ROBO2: variants seen among roughly 807,000 people sequenced by gnomAD.
The protein encoded by ROBO2 is roundabout guidance receptor 2, also known as roundabout homolog 2.
In ROBO2, 53 loss-of-function variants were observed where a neutral mutation model predicts 160.8. That is an observed-to-expected ratio of 0.33 (90% CI 0.26 to 0.41). The LOEUF (loss-of-function observed/expected upper bound fraction) is 0.41. Ranked by LOEUF, ROBO2 falls within the 10% of genes least tolerant of loss-of-function variation. The pLI is 1.00. For synonymous variants in ROBO2, 664 were observed against 611.7 expected (o/e 1.09, Z -1.26); for missense variants, 1,577 against 1,722.4 (o/e 0.92, Z 1.49).
At chr3:77,603,935 TA>T (rs1252613459) in intron 20 of ROBO2, 3 of 152,220 alleles carry the variant, frequency 2.0e-5, no homozygotes, top group African/African-American at 4.8e-5. Context: ...GATTTTGTTT[TA>T]TTTTTTTAAT....
Position 77,644,833 on chromosome 3 carries a change from G to A in ROBO2, c.4064G>A (p.Arg1355His), listed in dbSNP as rs771581041. Residue 1355 changes from arginine (R) to histidine (H), a missense_variant, in exon 25 of 26, where the codon CGC becomes CAC. Around this residue, in one of 2 missense-constraint regions of ROBO2, gnomAD observed 637 missense variants for 586.9 expected, o/e 1.09. Coordinates refer to ENST00000461745, the Ensembl canonical transcript of ROBO2. ...GAGGTGTTGAGAGCAGGCCACCAGC[G>A]CAATGCCAGCGACCTTCTTGACATA... 90 of 1,614,090 alleles carry A rather than the reference G, an allele frequency of 5.6e-5. No individual in the cohort carries two copies. The highest frequency in any genetic ancestry group is 2.2e-4 in the South Asian group (20 of 91,084).
chr3:77,434,238 T>G (rs536300013), intron 2 of ROBO2, among the ~76,000 whole-genome samples: 1 of 152,240 alleles, frequency 6.6e-6, no homozygotes, highest in African/African-American at 2.4e-5. Flanking sequence ...AGATAACCCC[T>G]GAATATCTTT....
chr3:76,910,334 C>G lies in ROBO2; in HGVS notation c.110-187680C>G, dbSNP rs544050440. Among the ~76,000 whole-genome samples the G allele has an allele frequency of 2.2e-4, 33 of 152,108 alleles. No homozygotes were observed. In the South Asian group the frequency reaches 6.8e-3, roughly 32 times the overall value. On this transcript the variant is annotated intron_variant, in intron 2 of 26. Coordinates refer to the ROBO2 transcript ENST00000487694. ...TCTGTTGATTTTGCTAAACACGAGGCTATTCAAATTCTTCTTTTTTTTTAT... is the reference window on the plus strand; with the variant it reads ...TCTGTTGATTTTGCTAAACACGAGGGTATTCAAATTCTTCTTTTTTTTTAT...
chr3:76,966,692 C>T (rs190979524), intron 2 of ROBO2, among the ~76,000 whole-genome samples: 26 of 152,290 alleles, frequency 1.7e-4, no homozygotes, highest in Non-Finnish European at 3.2e-4. Flanking sequence ...CTAGTTCTTC[C>T]ACCTCCCTGC....
intron 2 of ROBO2, among the ~76,000 whole-genome samples, chr3:76,786,361 T>C (rs1430394941): frequency 2.0e-5 from 3 of 151,306 alleles, no homozygotes; most frequent in Non-Finnish European, 1.5e-5. Context: ...TTTAATTGGC[T>C]CATGGTTCTG....
At chr3:77,121,661 A>G (rs1355769128) in intron 2 of ROBO2, among the ~76,000 whole-genome samples, 2 of 152,072 alleles carry the variant, frequency 1.3e-5, no homozygotes, top group African/African-American at 4.8e-5. Flanking sequence ...TTAAGCCACC[A>G]TGCTCTGTTG....
At chr3:76,660,273 G>T (rs1380836612) in intron 2 of ROBO2, among the ~76,000 whole-genome samples, 1 of 152,202 alleles carries the variant, frequency 6.6e-6, no homozygotes, top group Admixed American at 6.5e-5. Flanking sequence ...GATTAGAAAT[G>T]TTAAATGTGA....
chr3:76,743,796 T>C (rs1237225909), intron 2 of ROBO2, among the ~76,000 whole-genome samples: 1 of 151,838 alleles, frequency 6.6e-6, no homozygotes, highest in African/African-American at 2.4e-5. Flanking sequence ...ATAAATTATT[T>C]AATATAATTA....
In ROBO2 at chr3:77,102,002, T is replaced by A. The variant is rs1466233438; in HGVS notation, c.388+3662T>A. 2.6e-5 allele frequency among the ~76,000 whole-genome samples: 4 copies of A among 152,178 alleles called. No individual in the cohort carries two copies. The East Asian group carries it at 5.8e-4, about 22-fold the overall frequency. On this transcript the variant is annotated intron_variant, in intron 2 of 25. Coordinates refer to ENST00000461745, the Ensembl canonical transcript of ROBO2. ...TGGCAGTGAGCTGGGATGGTGCCAA[T>A]GCACTCCAGACTGGGCGACAGAGTG...
chr3:76,620,188 G>T (rs562942559), intron 2 of ROBO2, among the ~76,000 whole-genome samples: 5 of 152,146 alleles, frequency 3.3e-5, no homozygotes, highest in African/African-American at 1.2e-4. Context: ...AAATGTCAAG[G>T]TTATTTGTAT....
intron 2 of ROBO2, among the ~76,000 whole-genome samples, chr3:76,963,367 G>T (rs550155656): frequency 6.6e-6 from 1 of 152,038 alleles, no homozygotes; most frequent in Non-Finnish European, 1.5e-5. Context: ...AATTTTAAAT[G>T]AAAATCTTAG....
At chr3:76,859,264 A>C (rs908426612) in intron 2 of ROBO2, among the ~76,000 whole-genome samples, 4 of 152,252 alleles carry the variant, frequency 2.6e-5, no homozygotes, top group African/African-American at 9.6e-5. Flanking sequence ...CAATTTTATC[A>C]ATGCAAGGAC....
chr3:77,393,349 G>C (rs1213393765), intron 2 of ROBO2, among the ~76,000 whole-genome samples: 1 of 151,880 alleles, frequency 6.6e-6, no homozygotes, highest in Non-Finnish European at 1.5e-5. Context: ...ACACAGTTTA[G>C]AGCTTTAGCA....
At chr3:77,222,571 T>A (rs1394135219) in intron 2 of ROBO2, among the ~76,000 whole-genome samples, 1 of 152,216 alleles carries the variant, frequency 6.6e-6, no homozygotes, top group East Asian at 1.9e-4. Flanking sequence ...TTTCCCTTCA[T>A]GTGAGCTTTA....
intron 2 of ROBO2, among the ~76,000 whole-genome samples, chr3:76,074,688 T>A (rs1344979072): frequency 2.6e-5 from 4 of 152,088 alleles, no homozygotes; most frequent in African/African-American, 4.8e-5. Flanking sequence ...GGAATTAATA[T>A]AAAGTAAAAT....
At chr3:76,707,742 T>C (rs964640653) in intron 2 of ROBO2, among the ~76,000 whole-genome samples, 6 of 143,626 alleles carry the variant, frequency 4.2e-5, no homozygotes, top group Non-Finnish European at 7.5e-5. Flanking sequence ...TATATATATA[T>C]ATATATATAT....
At chr3:77,618,987 C>G (rs1255302093) in intron 22 of ROBO2, among the ~76,000 whole-genome samples, 1 of 152,140 alleles carries the variant, frequency 6.6e-6, no homozygotes, top group Non-Finnish European at 1.5e-5. Context: ...CAGACTCAAG[C>G]TGAAGGGTTC....
At chr3:76,931,963 G>A (rs1253077623) in intron 2 of ROBO2, among the ~76,000 whole-genome samples, 4 of 152,110 alleles carry the variant, frequency 2.6e-5, no homozygotes, top group African/African-American at 7.2e-5. Flanking sequence ...TTACAGGCGT[G>A]AGCCACCGCA....
At chr3:77,030,211 T>A (rs1360046953) in intron 2 of ROBO2, among the ~76,000 whole-genome samples, 1 of 152,226 alleles carries the variant, frequency 6.6e-6, no homozygotes, top group Non-Finnish European at 1.5e-5. Flanking sequence ...CCCAGAGTGC[T>A]GGGATTACAG....
Sources: gnomAD v4.1 joint callset for allele counts (sites outside exome capture counted in the v4.1 genomes callset) on GRCh38, gnomAD v4.1.1 for gene constraint, gnomAD v4.1.1 regional missense constraint, MANE v1.5 for transcripts, NCBI Gene and HGNC (gene_info 2026-07-23, HGNC 2026-07-21) for gene names.